The following FGF12 variants were observed in gnomAD, a reference collection of about 807,000 sequenced individuals.
FGF12 encodes the protein fibroblast growth factor 12B.
FGF12 carries 14 observed loss-of-function variants against 23.6 expected under a neutral mutation model. That is an observed-to-expected ratio of 0.59 (90% confidence interval 0.39 to 0.93). The LOEUF is 0.93. Ranked by LOEUF, FGF12 falls within the 40% of genes least tolerant of loss-of-function variation. The probability of loss-of-function intolerance (pLI) is 0.00; values close to 1 mark genes in which losing one functional copy is unlikely to be tolerated. For missense variants in FGF12, 175 were observed against 217.8 expected (o/e 0.80, Z 1.24); for synonymous variants, 62 against 77.3 (o/e 0.80, Z 1.04).
At chr3:192,622,027 C>A (rs1174812064) in intron 2 of FGF12, among the ~76,000 whole-genome samples, 1 of 152,148 alleles carries the variant, frequency 6.6e-6, no homozygotes, top group Non-Finnish European at 1.5e-5. Context: ...GAAAAGGCCT[C>A]TTTTCCAATT....
chr3:192,387,983 G>A (rs760548524), intron 2 of FGF12, among the ~76,000 whole-genome samples: 33 of 152,110 alleles, frequency 2.2e-4, no homozygotes, highest in South Asian at 4.1e-4. Flanking sequence ...ACATAAGGCC[G>A]GAGGGGTGTC....
intron 4 of FGF12, among the ~76,000 whole-genome samples, chr3:192,330,152 G>A (rs1460737962): frequency 6.6e-6 from 1 of 152,028 alleles, no homozygotes; most frequent in African/African-American, 2.4e-5. Flanking sequence ...CATACTACCG[G>A]AGACAATCTA....
intron 4 of FGF12, among the ~76,000 whole-genome samples, chr3:192,299,127 A>G (rs772768892): frequency 3.9e-5 from 6 of 152,248 alleles, no homozygotes; most frequent in Non-Finnish European, 8.8e-5. Context: ...GTGAGGATTC[A>G]AAACAATGCT....
At chr3:192,439,976 G>GAAAAAAAAAAAAAAAAAA (rs5855427) in intron 2 of FGF12, among the ~76,000 whole-genome samples, 2 of 114,172 alleles carry the variant, frequency 1.8e-5, no homozygotes, top group African/African-American at 6.6e-5. Context: ...ACTCCATATG[G>GAAAAAAAAAAAAAAAAAA]AAAAAAAAAA....
chr3:192,476,213 C>T (rs559667816), intron 2 of FGF12, among the ~76,000 whole-genome samples: 1 of 152,080 alleles, frequency 6.6e-6, no homozygotes, highest in Non-Finnish European at 1.5e-5. Context: ...ATCATAGCTA[C>T]AATCTTGAAA....
At chr3:192,259,523 C>T (rs144686010) in intron 4 of FGF12, among the ~76,000 whole-genome samples, 10 of 152,178 alleles carry the variant, frequency 6.6e-5, no homozygotes, top group Middle Eastern at 6.8e-3. Context: ...ATGGGCAAAA[C>T]GCACTAAGTC....
intron 4 of FGF12, among the ~76,000 whole-genome samples, chr3:192,322,457 GA>G (rs1258197909): frequency 6.0e-5 from 9 of 151,244 alleles, no homozygotes; most frequent in South Asian, 4.2e-4. Flanking sequence ...TACAGAAATA[GA>G]AAAAAATAAT....
intron 5 of FGF12, among the ~76,000 whole-genome samples, chr3:192,155,525 T>G (rs1195479395): frequency 1.3e-5 from 2 of 152,118 alleles, no homozygotes; most frequent in African/African-American, 4.8e-5. Context: ...GTTCTTTTGT[T>G]TTGGGGGGGA....
At chr3:192,402,725 TA>T (rs1720814164) in intron 2 of FGF12, among the ~76,000 whole-genome samples, 1 of 152,198 alleles carries the variant, frequency 6.6e-6, no homozygotes, top group South Asian at 2.1e-4. Flanking sequence ...GCAAAAATTA[TA>T]AAGAAATTCT....
At chr3:192,237,047 G>C (rs143801826) in intron 4 of FGF12, among the ~76,000 whole-genome samples, 1 of 152,222 alleles carries the variant, frequency 6.6e-6, no homozygotes, top group East Asian at 1.9e-4. Flanking sequence ...AATTCCCTTA[G>C]TGTTTGCTTG....
intron 4 of FGF12, among the ~76,000 whole-genome samples, chr3:192,311,994 G>T (rs1246160266): frequency 1.4e-5 from 2 of 148,108 alleles, no homozygotes; most frequent in Non-Finnish European, 3.0e-5. Context: ...CAGATCATTT[G>T]CACCCTTTCA....
chr3:192,179,288 C>T (rs1203354097), intron 4 of FGF12, among the ~76,000 whole-genome samples: 1 of 152,080 alleles, frequency 6.6e-6, no homozygotes, highest in African/African-American at 2.4e-5. Flanking sequence ...TACTGGAAAA[C>T]TACTGAGCTG....
At chr3:192,412,874 C>T (rs1489369867) in intron 2 of FGF12, among the ~76,000 whole-genome samples, 2 of 152,134 alleles carry the variant, frequency 1.3e-5, no homozygotes, top group Non-Finnish European at 2.9e-5. Flanking sequence ...AACTAACAAC[C>T]AGGTATTTAA....
chr3:192,567,359 A>T (rs751003232), intron 2 of FGF12, among the ~76,000 whole-genome samples: 1 of 152,172 alleles, frequency 6.6e-6, no homozygotes, highest in Non-Finnish European at 1.5e-5. Context: ...GAGAAAAAAA[A>T]AGGGAAAAGA....
At chr3:192,681,135 C>T (rs1334154024) in intron 2 of FGF12, among the ~76,000 whole-genome samples, 10 of 152,182 alleles carry the variant, frequency 6.6e-5, no homozygotes, top group Non-Finnish European at 1.5e-5. Flanking sequence ...TTAATGTCTT[C>T]TTAAAAATGA....
chr3:192,696,273 C>G (rs1718121636), intron 2 of FGF12, among the ~76,000 whole-genome samples: 1 of 151,748 alleles, frequency 6.6e-6, no homozygotes, highest in Admixed American at 6.6e-5. Flanking sequence ...TTACCCTTTC[C>G]TATAAGTGAG....
intron 2 of FGF12, among the ~76,000 whole-genome samples, chr3:192,509,796 T>C (rs548229036): frequency 3.1e-4 from 47 of 152,322 alleles, no homozygotes; most frequent in Non-Finnish European, 6.3e-4. Context: ...CTATTTATTA[T>C]ATACTACACA....
intron 2 of FGF12, among the ~76,000 whole-genome samples, chr3:192,475,527 A>G (rs765577013): frequency 6.6e-6 from 1 of 152,224 alleles, no homozygotes; most frequent in Non-Finnish European, 1.5e-5. Context: ...AAATACTGAA[A>G]TAAATACAGA....
At chr3:192,288,700 T>C (rs1714595969) in intron 4 of FGF12, among the ~76,000 whole-genome samples, 1 of 152,136 alleles carries the variant, frequency 6.6e-6, no homozygotes, top group South Asian at 2.1e-4. Flanking sequence ...TCTTATTTAA[T>C]GGCTTTTCAG....
Sources: gnomAD v4.1 joint callset for allele counts (sites outside exome capture counted in the v4.1 genomes callset) on GRCh38, gnomAD v4.1.1 for gene constraint, MANE v1.5 for transcripts, NCBI Gene and HGNC (gene_info 2026-07-23, HGNC 2026-07-21) for gene names.